Variants in PTPRT observed in about 807,000 individuals in gnomAD.
PTPRT encodes the protein protein tyrosine phosphatase receptor type T.
Under a neutral mutation model 176.8 loss-of-function variants are expected in PTPRT, and 56 were observed. That is an observed-to-expected ratio of 0.32 (90% CI 0.26 to 0.40). PTPRT has a LOEUF of 0.40. Among genes scored for constraint, PTPRT ranks in the 10% least tolerant of loss-of-function variants. PTPRT has a pLI of 1.00. For synonymous variants in PTPRT, 783 were observed against 739.0 expected, an observed-to-expected ratio of 1.06 and a Z score of -0.96; for missense variants, 1,540 against 1,908.2, an observed-to-expected ratio of 0.81 and a Z score of 3.60.
At chr20:42,108,021 C>T (rs1242351692) in intron 23 of PTPRT, among the ~76,000 whole-genome samples, 8 of 151,132 alleles carry the variant, frequency 5.3e-5, no homozygotes, top group Non-Finnish European at 4.4e-5. Context: ...GACTTGGCCT[C>T]TGTGTCTGGG....
rs1983147916 is a variant in PTPRT, at chr20:42,079,905, TACA to T, written c.*971_*973del. ...AGGCCCGAGAGATTTGTCTTAGAGG[TACA>T]TACTCAAACTCCCCCGCCCCCTTCT... On this transcript the variant is annotated 3_prime_UTR_variant, in exon 31 of 31. Transcript: ENST00000373187. 1 of 232,280 alleles carries T rather than the reference TACA, an allele frequency of 4.3e-6. No homozygotes were observed. The highest frequency in any genetic ancestry group is 5.6e-5 in the Admixed American group (1 of 17,736). The allele number at this position is 232,280 out of a possible 1,614,324, so 14.4% of individuals were successfully genotyped here. A position where few individuals can be genotyped will look rare whatever the true frequency, so the allele number is the denominator to read the frequency against.
At chr20:42,268,026 C>T (rs2056867978) in intron 13 of PTPRT, among the ~76,000 whole-genome samples, 1 of 152,174 alleles carries the variant, frequency 6.6e-6, no homozygotes, top group African/African-American at 2.4e-5. Flanking sequence ...ACTCCGAATG[C>T]CAGCCTGTCC....
chr20:42,032,453 T>G, the PTPRT span, among the ~76,000 whole-genome samples: 3 of 152,158 alleles, frequency 2.0e-5, no homozygotes, highest in African/African-American at 7.2e-5. Context: ...CAGATCCCCA[T>G]GTTGATCCAG....
In PTPRT at chr20:42,769,735, T is replaced by A. The variant is rs145850837; in HGVS notation, c.684+1700A>T. ...CTGCCAACAACCCAACAGGTATCCATCAACAGGTAGATGGATAAACAAATA... is the reference window on the plus strand; with the variant it reads ...CTGCCAACAACCCAACAGGTATCCAACAACAGGTAGATGGATAAACAAATA... On this transcript the variant is annotated intron_variant, in intron 5 of 30. Coordinates refer to ENST00000373187, the MANE Select transcript of PTPRT (RefSeq NM_007050.6). Among the ~76,000 whole-genome samples the A allele has an allele frequency of 4.4e-3, 666 of 152,268 alleles. 6 individuals are homozygous for A. Among genetic ancestry groups the A allele is most frequent in the African/African-American group, 0.015 (633 of 41,554 alleles).
chr20:42,282,575 A>AC, intron 12 of PTPRT, 50 bp from the exon 13 acceptor site: 1 of 1,468,332 alleles, frequency 6.8e-7, no homozygotes, highest in Non-Finnish European at 9.4e-7. Flanking sequence ...GAGTTATATA[A>AC]AATTGTTATA....
chr20:42,241,151 A>C (rs2056346162), intron 14 of PTPRT, among the ~76,000 whole-genome samples: 1 of 152,174 alleles, frequency 6.6e-6, no homozygotes, highest in Non-Finnish European at 1.5e-5. Context: ...TAGCTATTAC[A>C]TTGTATTATC....
At chr20:42,713,227 G>A (rs756604302) in intron 6 of PTPRT, among the ~76,000 whole-genome samples, 1 of 151,904 alleles carries the variant, frequency 6.6e-6, no homozygotes, top group Non-Finnish European at 1.5e-5. Context: ...GTGTGGCTAG[G>A]ATAAGGAATA....
intron 9 of PTPRT, among the ~76,000 whole-genome samples, chr20:42,425,513 G>A (rs1009458054): frequency 6.6e-6 from 1 of 152,138 alleles, no homozygotes; most frequent in Admixed American, 6.5e-5. Context: ...CAAAGGTTCA[G>A]TTATGCAAGA....
chr20:42,299,371 A>G (rs1204025836), intron 12 of PTPRT, among the ~76,000 whole-genome samples: 1 of 152,202 alleles, frequency 6.6e-6, no homozygotes, highest in African/African-American at 2.4e-5. Flanking sequence ...AATAAACCAA[A>G]TAATTTTCAA....
chr20:42,380,114 G>A (rs1462200644), intron 9 of PTPRT, among the ~76,000 whole-genome samples: 1 of 152,204 alleles, frequency 6.6e-6, no homozygotes, highest in Admixed American at 6.5e-5. Flanking sequence ...CCCTATTTCA[G>A]TAGATAGCTT....
intron 8 of PTPRT, among the ~76,000 whole-genome samples, chr20:42,458,084 T>C (rs985504114): frequency 6.6e-6 from 1 of 152,186 alleles, no homozygotes; most frequent in Non-Finnish European, 1.5e-5. Flanking sequence ...AGGGGTTTTC[T>C]TTCCAGGCAG....
At chr20:43,051,637 A>AAAAAAAAAAAAAC in intron 1 of PTPRT, among the ~76,000 whole-genome samples, 1 of 151,096 alleles carries the variant, frequency 6.6e-6, no homozygotes, top group African/African-American at 2.4e-5. Flanking sequence ...AAAAAAAAAA[A>AAAAAAAAAAAAAC]AAAAAAAAAA....
At chr20:42,814,050 T>C (rs556152888) in intron 2 of PTPRT, among the ~76,000 whole-genome samples, 8 of 152,146 alleles carry the variant, frequency 5.3e-5, no homozygotes, top group Non-Finnish European at 1.2e-4. Flanking sequence ...CCCAGTAAAC[T>C]TGATTTTCTC....
chr20:42,686,443 G>A (rs2075692444), intron 6 of PTPRT: 1 of 129,194 alleles, frequency 7.7e-6, no homozygotes, highest in African/African-American at 2.8e-5. Context: ...AGCACTTCCA[G>A]CTCATAGTGC....
intron 7 of PTPRT, among the ~76,000 whole-genome samples, chr20:42,478,964 G>A (rs2071335927): frequency 6.6e-6 from 1 of 152,164 alleles, no homozygotes; most frequent in Admixed American, 6.5e-5. Context: ...GAATTTAGGT[G>A]CTAATAGAGG....
At chr20:42,161,269 G>A in intron 17 of PTPRT, 83 bp downstream of exon 17, 2 of 1,517,288 alleles carry the variant, frequency 1.3e-6, no homozygotes, top group African/African-American at 1.4e-5. Flanking sequence ...TGGCCAGGGA[G>A]CCATACTTTT....
At chr20:42,239,490 T>C (rs946182417) in intron 14 of PTPRT, among the ~76,000 whole-genome samples, 5 of 142,942 alleles carry the variant, frequency 3.5e-5, no homozygotes, top group African/African-American at 7.7e-5. Context: ...GCGCGTGATC[T>C]CGGCTCACTG....
intron 2 of PTPRT, among the ~76,000 whole-genome samples, chr20:42,829,854 T>C (rs981449278): frequency 2.2e-4 from 34 of 152,136 alleles, no homozygotes; most frequent in African/African-American, 6.3e-4. Flanking sequence ...CTAGAAGAGC[T>C]GAACACATTT....
Position 43,143,953 on chromosome 20 carries a change from C to A in PTPRT, c.88+45693G>T, listed in dbSNP as rs144983983. Among the ~76,000 whole-genome samples, 78 of 152,268 alleles carry A rather than the reference C, an allele frequency of 5.1e-4. No homozygotes were observed. The Middle Eastern group carries it at 0.01, about 20-fold the overall frequency. On this transcript the variant is annotated intron_variant, in intron 1 of 30. Transcript: ENST00000373187. ...CATCTGGTAACAGGAAACTCTCCAC[C>A]TTCCAAGGAACCCATTGCCAAGTGA...
Sources: allele counts gnomAD v4.1 joint callset (sites outside exome capture counted in the v4.1 genomes callset), GRCh38; gene constraint gnomAD v4.1.1; transcripts MANE v1.5; gene names NCBI Gene and HGNC (gene_info 2026-07-23, HGNC 2026-07-21).